GPC6: variants seen among roughly 807,000 people sequenced by gnomAD.
The protein encoded by GPC6 is glypican-6.
In GPC6, 14 loss-of-function variants were observed where a neutral mutation model predicts 55.2. The ratio of observed to expected loss-of-function variants is 0.25; its 90% CI spans 0.17 to 0.40. GPC6 has a LOEUF of 0.40. Among genes scored for constraint, GPC6 ranks in the 10% least tolerant of loss-of-function variants. The pLI is 1.00. For missense variants in GPC6, 641 were observed against 708.5 expected (o/e 0.90, Z 1.08); for synonymous variants, 278 against 259.6 (o/e 1.07, Z -0.68).
At chr13:93,639,581 A>G (rs1418974009) in intron 2 of GPC6, among the ~76,000 whole-genome samples, 1 of 152,174 alleles carries the variant, frequency 6.6e-6, no homozygotes, top group Non-Finnish European at 1.5e-5. Context: ...AGCTTGGACC[A>G]GTATGGGGTG....
rs1367431043 is a variant in GPC6, at chr13:94,305,976, C to T, written c.1009-4C>T. The T allele has an allele frequency of 4.8e-5, 77 of 1,613,882 alleles. No individual in the cohort carries two copies. The highest frequency in any genetic ancestry group is 6.5e-5 in the Non-Finnish European group (77 of 1,179,886). Reference sequence around the variant, plus strand: ...CTGTTTTTACTTTTCAATGGTTCTTCCAGGTCTTTCAGGGATGTGGTCAGC... The same window carrying T: ...CTGTTTTTACTTTTCAATGGTTCTTTCAGGTCTTTCAGGGATGTGGTCAGC... On this transcript the variant is annotated splice_polypyrimidine_tract_variant and splice_region_variant and intron_variant, in intron 5 of 8. Transcript: ENST00000377047.
chr13:93,899,245 C>T (rs548973094), intron 3 of GPC6, among the ~76,000 whole-genome samples: 3 of 151,844 alleles, frequency 2.0e-5, no homozygotes, highest in African/African-American at 7.2e-5. Flanking sequence ...GGATCCCTAA[C>T]GTGGAGCTTG....
intron 1 of GPC6, among the ~76,000 whole-genome samples, chr13:93,363,678 T>C (rs1016056597): frequency 1.3e-5 from 2 of 151,646 alleles, no homozygotes; most frequent in African/African-American, 4.9e-5. Flanking sequence ...TCAAATGGTA[T>C]TTCTAGTTCT....
intron 3 of GPC6, among the ~76,000 whole-genome samples, chr13:93,887,946 GCAGTCCATCTGGGGAC>G (rs923805036): frequency 2.0e-5 from 3 of 152,106 alleles, no homozygotes; most frequent in African/African-American, 7.2e-5. Flanking sequence ...CTTATGGCCA[GCAGTCCATCTGGGGAC>G]CAGTCCATCT....
rs112019241 is a variant in GPC6 at position 94,227,048 on chromosome 13, G to A, written c.878-59301G>A. Among the ~76,000 whole-genome samples the A allele has an allele frequency of 5.1e-3, 774 of 152,278 alleles. 5 individuals are homozygous for A. Among genetic ancestry groups the A allele is most frequent in the African/African-American group, 0.018 (752 of 41,544 alleles). On this transcript the variant is annotated intron_variant, in intron 4 of 8. Transcript: ENST00000377047. ...GCTGTAAAATGGTGGAATTCTCTGC[G>A]TGTCTACCTCCAGAGATTGTGTTAA...
chr13:93,419,220 A>G (rs1301299125), intron 1 of GPC6, among the ~76,000 whole-genome samples: 1 of 151,526 alleles, frequency 6.6e-6, no homozygotes. Flanking sequence ...TAAAAATGGG[A>G]CTATAAGAAT....
chr13:93,626,891 G>C lies in GPC6; in HGVS notation c.319+81470G>C, dbSNP rs150294877. Among the ~76,000 whole-genome samples, 551 of 151,962 alleles carry C rather than the reference G, an allele frequency of 3.6e-3. 6 individuals are homozygous for C. Among genetic ancestry groups the C allele is most frequent in the African/African-American group, 0.012 (517 of 41,426 alleles). On this transcript the variant is annotated intron_variant, in intron 2 of 8. Transcript: ENST00000377047. ...CATTTTCACAAGCTGCACAGGAAAC[G>C]TGACTGGGGAGGCCTCAGGAAACTT...
At chr13:94,070,795 C>T (rs1005136128) in intron 4 of GPC6, among the ~76,000 whole-genome samples, 2 of 152,166 alleles carry the variant, frequency 1.3e-5, no homozygotes, top group Non-Finnish European at 2.9e-5. Flanking sequence ...GGAGGTGACA[C>T]CTTTTCTGGG....
At chr13:93,934,388 A>G (rs1352792477) in intron 3 of GPC6, among the ~76,000 whole-genome samples, 1 of 152,196 alleles carries the variant, frequency 6.6e-6, no homozygotes, top group Non-Finnish European at 1.5e-5. Flanking sequence ...AGAGTTGAAT[A>G]AAATGTATTA....
intron 2 of GPC6, among the ~76,000 whole-genome samples, chr13:93,625,407 C>T (rs1879159905): frequency 6.6e-6 from 1 of 152,174 alleles, no homozygotes; most frequent in Admixed American, 6.5e-5. Context: ...GACCTTCAGA[C>T]TCTAAAATCC....
At chr13:93,519,474 C>G (rs1285094398) in intron 1 of GPC6, among the ~76,000 whole-genome samples, 1 of 151,934 alleles carries the variant, frequency 6.6e-6, no homozygotes, top group African/African-American at 2.4e-5. Flanking sequence ...ATCTGATCTT[C>G]AACCTGAAAA....
intron 2 of GPC6, among the ~76,000 whole-genome samples, chr13:93,759,262 T>A (rs540198079): frequency 6.6e-6 from 1 of 152,204 alleles, no homozygotes; most frequent in African/African-American, 2.4e-5. Flanking sequence ...CAATATACTT[T>A]ATTCAGTAGT....
At chr13:94,302,728 C>G (rs1463894709) in intron 5 of GPC6, among the ~76,000 whole-genome samples, 2 of 152,154 alleles carry the variant, frequency 1.3e-5, no homozygotes, top group Admixed American at 1.3e-4. Context: ...ATGGAGGGGT[C>G]CTTGCGCCCA....
intron 1 of GPC6, among the ~76,000 whole-genome samples, chr13:93,538,377 C>T (rs561936037): frequency 6.6e-6 from 1 of 152,178 alleles, no homozygotes; most frequent in Non-Finnish European, 1.5e-5. Flanking sequence ...GAGGTCAGCT[C>T]ATTTCTTTAT....
chr13:93,740,900 AAG>A (rs944934267), intron 2 of GPC6, among the ~76,000 whole-genome samples: 1 of 152,186 alleles, frequency 6.6e-6, no homozygotes, highest in Non-Finnish European at 1.5e-5. Context: ...TCTCGTTTAA[AAG>A]AGAAAACTGT....
chr13:93,380,191 G>T (rs1875099761), intron 1 of GPC6, among the ~76,000 whole-genome samples: 1 of 152,056 alleles, frequency 6.6e-6, no homozygotes, highest in Non-Finnish European at 1.5e-5. Flanking sequence ...TTAAATCACA[G>T]AAATTATTTC....
chr13:93,796,952 T>A (rs1404341378), intron 2 of GPC6, among the ~76,000 whole-genome samples: 1 of 152,228 alleles, frequency 6.6e-6, no homozygotes, highest in African/African-American at 2.4e-5. Flanking sequence ...AGCGTCTAAC[T>A]TTTTCAAACA....
intron 1 of GPC6, among the ~76,000 whole-genome samples, chr13:93,442,476 T>C (rs1156617241): frequency 2.0e-5 from 3 of 152,164 alleles, no homozygotes; most frequent in African/African-American, 4.8e-5. Context: ...CTTTACTATA[T>C]ACAATTTTAT....
intron 3 of GPC6, among the ~76,000 whole-genome samples, chr13:93,893,281 A>C (rs1875797542): frequency 6.6e-6 from 1 of 151,620 alleles, no homozygotes; most frequent in Admixed American, 6.6e-5. Flanking sequence ...CTGCCCTCAA[A>C]CTCCTGACCT....
Sources: allele counts gnomAD v4.1 joint callset (sites outside exome capture counted in the v4.1 genomes callset), GRCh38; gene constraint gnomAD v4.1.1; transcripts MANE v1.5; gene names NCBI Gene and HGNC (gene_info 2026-07-23, HGNC 2026-07-21).